The following ZNF335 variants were observed in gnomAD, a reference collection of about 807,000 sequenced individuals.
ZNF335 encodes the protein NRC-interacting factor 1.
A neutral mutation model predicts 145.6 loss-of-function variants in ZNF335; 84 were observed. The ratio of observed to expected loss-of-function variants is 0.58; its 90% CI spans 0.48 to 0.69. ZNF335 has a LOEUF of 0.69. ZNF335 is among the 30% of genes least tolerant of loss of function. The pLI is 0.00. For synonymous variants in ZNF335, 761 were observed against 717.0 expected (o/e 1.06, Z -0.98); for missense variants, 1,865 against 1,809.7 (o/e 1.03, Z -0.55).
intron 20 of ZNF335, 152 bp downstream of exon 20, chr20:45,951,995 G>A: frequency 8.6e-7 from 1 of 1,166,800 alleles, no homozygotes; most frequent in South Asian, 1.8e-5. Flanking sequence ...AACTCCCTGA[G>A]AGCTGGGACC....
chr20:45,957,952 G>A (rs759882513), intron 15 of ZNF335, 24 bp from the exon 16 acceptor site: 13 of 1,590,266 alleles, frequency 8.2e-6, no homozygotes, highest in Admixed American at 6.7e-5. Flanking sequence ...ATATGGCCAC[G>A]CCTGAGAGGG....
Position 45,958,055 on chromosome 20 carries a change from CTTTTT to C in ZNF335, c.2254-132_2254-128del. The C allele has an allele frequency of 3.6e-5, 21 of 583,478 alleles. No homozygotes were observed. The South Asian group carries it at 4.2e-4, about 12-fold the overall frequency. 36.1% of individuals were successfully genotyped at this position (583,478 alleles called of 1,614,324 possible). A position where few individuals can be genotyped will look rare whatever the true frequency, so the allele number is the denominator to read the frequency against. ...TTGTTTCATCTTCATAACCACTTTT[CTTTTT>C]TTTTTTTTGAGATGGAGTCTCTCTG... On this transcript the variant is annotated intron_variant, in intron 15 of 27. Coordinates refer to ENST00000322927, the MANE Select transcript of ZNF335 (RefSeq NM_022095.4).
chr20:45,952,387 T>C lies in ZNF335; in HGVS notation c.2949A>G (p.Val983=), dbSNP rs142812853. The C allele has an allele frequency of 6.2e-7, 1 of 1,601,812 alleles. No individual in the cohort carries two copies. Among genetic ancestry groups the C allele is most frequent in the African/African-American group, 1.3e-5 (1 of 74,758 alleles). ...EPPSPAKTHC[V]GDSQSSASSP... ...AGGAGGCAGAGCTCTGGGAGTCCCC[T>C]ACGCAGTGGGTCTTGGCTGGAGATG... Residue 983 remains valine, a synonymous_variant, in exon 20 of 28, where the codon GTA becomes GTG. Coordinates refer to ENST00000322927, the MANE Select transcript of ZNF335 (RefSeq NM_022095.4).
At chr20:45,968,646 G>T in intron 3 of ZNF335, 1 of 406,710 alleles carries the variant, frequency 2.5e-6, no homozygotes, top group Admixed American at 3.6e-5. Context: ...AACCTGGGAA[G>T]TCCTCCTTCC....
Position 45,971,315 on chromosome 20 carries a change from T to C in ZNF335, c.96A>G (p.Ser32=). Residue 32 remains serine (S), a synonymous_variant, in exon 2 of 28, where the codon TCA becomes TCG. Coordinates refer to ENST00000322927, the MANE Select transcript of ZNF335 (RefSeq NM_022095.4). The part of the protein sequence containing the change: ...PSESGLGVGT[S]EAVSADSSDA... ...CGCTGCTGTCGGCGGACACGGCTTCTGAGGTGCCCACACCCAGGCCGCTCT... is the reference window on the plus strand; with the variant it reads ...CGCTGCTGTCGGCGGACACGGCTTCCGAGGTGCCCACACCCAGGCCGCTCT... 1 of 1,595,590 alleles carries C rather than the reference T, an allele frequency of 6.3e-7. No individual in the cohort carries two copies. The highest frequency in any genetic ancestry group is 8.5e-7 in the Non-Finnish European group (1 of 1,177,772).
intron 17 of ZNF335, among the ~76,000 whole-genome samples, chr20:45,955,733 T>C (rs2083716858): frequency 6.6e-6 from 1 of 151,456 alleles, no homozygotes; most frequent in South Asian, 2.1e-4. Flanking sequence ...GGTAGGACAA[T>C]CATTTGAACC....
chr20:45,950,970 G>A (rs1251546836), intron 20 of ZNF335, among the ~76,000 whole-genome samples: 2 of 151,934 alleles, frequency 1.3e-5, no homozygotes, highest in Non-Finnish European at 2.9e-5. Context: ...TCGGCTCACT[G>A]CAACCTCCAC....
At position 45,965,688 on chromosome 20, in the gene ZNF335, G is replaced by C. The variant is rs765024829; in HGVS notation, c.1042C>G (p.Arg348Gly). 1 of 1,601,176 alleles carries C rather than the reference G, an allele frequency of 6.2e-7. No homozygotes were observed. Among genetic ancestry groups the C allele is most frequent in the Non-Finnish European group, 8.5e-7 (1 of 1,175,152 alleles). The change falls in exon 7 of 28, where the codon CGA becomes GGA. Residue 348 changes from arginine to glycine, a missense_variant. Transcript: ENST00000322927. ...TTCCGGGGCCGGCCAGGTCTCCTTC[G>C]GGGCCTTGGGGTACTGGGGGTGGGG... is the stretch of plus-strand genomic sequence containing the variant. Reference protein sequence around the residue: ...QRPTPSTPRPRRRPGRPRKLP... With the variant: ...QRPTPSTPRPGRRPGRPRKLP...
intron 17 of ZNF335, among the ~76,000 whole-genome samples, chr20:45,957,155 G>C (rs1463482977): frequency 6.6e-6 from 1 of 152,208 alleles, no homozygotes; most frequent in South Asian, 2.1e-4. Flanking sequence ...GAACGCGAGA[G>C]AGTGGTCTGA....
chr20:45,971,489 C>A (rs779687758), intron 1 of ZNF335, 29 bp from the exon 2 acceptor site: 20 of 1,557,290 alleles, frequency 1.3e-5, no homozygotes, highest in Non-Finnish European at 1.7e-5. Flanking sequence ...GTGGCTGGAA[C>A]AAGTGGGCCA....
Position 45,963,975 on chromosome 20 carries a change from G to T in ZNF335, c.1118C>A (p.Pro373His). ...CTGTCCACTCTGGGAACTCACTAGA[G>T]GCTCTCCTTCCACACCTGCCACGGA... ...SDLPDGVEGE[P>H]LVSSQSGQSP... The change falls in exon 8 of 28, where the codon CCT (proline) becomes CAT (histidine). Residue 373 changes from proline (P) to histidine (H), a missense_variant. Coordinates refer to ENST00000322927, the MANE Select transcript of ZNF335 (RefSeq NM_022095.4). The T allele has an allele frequency of 6.6e-7, 1 of 1,520,996 alleles. No individual in the cohort carries two copies. The highest frequency in any genetic ancestry group is 2.3e-5 in the East Asian group (1 of 44,108). 94.2% of individuals were successfully genotyped at this position (1,520,996 alleles called of 1,614,324 possible).
chr20:45,952,555 A>G, intron 19 of ZNF335, 34 bp from the exon 20 acceptor site: 1 of 1,609,792 alleles, frequency 6.2e-7, no homozygotes, highest in Non-Finnish European at 8.5e-7. Context: ...GGTACTGAGA[A>G]GGGGAGGGAG....
In ZNF335 at chr20:45,960,511, A is replaced by G. The variant is rs1210043314; in HGVS notation, c.1797T>C (p.Phe599=). 1 of 1,614,120 alleles carries G rather than the reference A, an allele frequency of 6.2e-7. No homozygotes were observed. The highest frequency in any genetic ancestry group is 1.7e-5 in the Admixed American group (1 of 60,024). ...PHMCDKCGKS[F]KKRYTFKMHL... is the part of the protein sequence containing the mutation. ...GCATTTTGAAGGTGTAGCGCTTCTT[A>G]AAGGACTTTCCACACTGTGAGGGGT... Residue 599 remains phenylalanine (F), a synonymous_variant, in exon 13 of 28, where the codon TTT becomes TTC. Transcript: ENST00000322927.
At position 45,967,747 on chromosome 20, in the gene ZNF335, G is replaced by A. The variant is rs770149476; in HGVS notation, c.801C>T (p.Arg267=). The part of the protein sequence containing the change: ...KATLLRHMRE[R]HFRPVAAAAA... ...CTACTGACGCACCTGGACGGAAGTG[G>A]CGTTCCCGCATGTGGCGCAGCAGTG... is the stretch of plus-strand genomic sequence containing the variant. The change falls in exon 5 of 28, where the codon CGC becomes CGT. Residue 267 remains arginine, a synonymous_variant. Transcript: ENST00000322927. The A allele has an allele frequency of 9.3e-6, 15 of 1,610,920 alleles. No individual in the cohort carries two copies. The South Asian group carries it at 1.5e-4, about 17-fold the overall frequency.
intron 9 of ZNF335, 42 bp downstream of exon 9, chr20:45,963,431 C>G: frequency 6.3e-7 from 1 of 1,582,694 alleles, no homozygotes; most frequent in Non-Finnish European, 8.6e-7. Flanking sequence ...TGCTTGCCTT[C>G]TTCACCCTCC....
Position 45,963,809 on chromosome 20 carries a change from C to T in ZNF335, c.1284G>A (p.Pro428=), listed in dbSNP as rs770059666. 9.9e-6 allele frequency: 16 copies of T among 1,614,004 alleles called. No homozygotes were observed. In the Admixed American group the frequency reaches 1.3e-4, roughly 13 times the overall value. Residue 428 remains proline, a synonymous_variant, in exon 8 of 28, where the codon CCG becomes CCA. Coordinates refer to ENST00000322927, the MANE Select transcript of ZNF335 (RefSeq NM_022095.4). ...GCCGGGGCAGAGTGTCATGCTCATCCGGGCAGGAGGGGGCTGCGTTCTCTG... is the reference window on the plus strand; with the variant it reads ...GCCGGGGCAGAGTGTCATGCTCATCTGGGCAGGAGGGGGCTGCGTTCTCTG... ...SDAENAAPSC[P]DEHDTLPRRR...
chr20:45,971,240 C>T lies in ZNF335; in HGVS notation c.171G>A (p.Gly57=). 5 of 1,551,210 alleles carry T rather than the reference C, an allele frequency of 3.2e-6. No homozygotes were observed. Among genetic ancestry groups the T allele is most frequent in the South Asian group, 1.2e-5 (1 of 85,410 alleles). ...AACGGCTGCCGCGGTCCGAGCTTTG[C>T]CCCACGCCAGAGTCATCGGCCTCTG... The part of the protein sequence containing the change: ...GQAEADDSGV[G]QSSDRGSRSQ... The change falls in exon 2 of 28, where the codon GGG becomes GGA. Residue 57 remains glycine (G), a synonymous_variant. Transcript: ENST00000322927.
chr20:45,956,297 C>T (rs1029136613), intron 17 of ZNF335, among the ~76,000 whole-genome samples: 7 of 151,488 alleles, frequency 4.6e-5, no homozygotes, highest in Non-Finnish European at 7.4e-5. Context: ...GGCGCAATCT[C>T]GGCTCACCGT....
At chr20:45,968,082 T>C in intron 4 of ZNF335, 55 bp from the exon 5 acceptor site, 3 of 1,604,218 alleles carry the variant, frequency 1.9e-6, no homozygotes, top group Non-Finnish European at 2.6e-6. Flanking sequence ...GCACTGGCCA[T>C]GAGCTATAGC....
Sources: allele counts gnomAD v4.1 joint callset (sites outside exome capture counted in the v4.1 genomes callset), GRCh38; gene constraint gnomAD v4.1.1; transcripts MANE v1.5; gene names NCBI Gene and HGNC (gene_info 2026-07-23, HGNC 2026-07-21).